PAH: variants seen among roughly 807,000 people sequenced by gnomAD.
The protein encoded by PAH is phenylalanine hydroxylase, also known as phenylalanine-4-hydroxylase.
PAH carries 64 observed loss-of-function variants against 62.0 expected under a neutral mutation model. That is an observed-to-expected ratio of 1.03 (90% CI 0.84 to 1.27). PAH has a LOEUF of 1.27. Among genes scored for constraint, PAH ranks in the 50% most tolerant of loss-of-function variants. PAH has a pLI of 0.00. For synonymous variants in PAH, 195 were observed against 196.2 expected (o/e 0.99, Z 0.05); for missense variants, 579 against 542.8 (o/e 1.07, Z -0.66).
chr12:102,928,556 C>T (rs1262220969), intron 1 of PAH, among the ~76,000 whole-genome samples: 1 of 152,124 alleles, frequency 6.6e-6, no homozygotes, highest in Non-Finnish European at 1.5e-5. Flanking sequence ...TTAGAGACCC[C>T]TGACCCTTGC....
At chr12:102,840,995 C>G (rs1343061624) in intron 11 of PAH, among the ~76,000 whole-genome samples, 1 of 152,134 alleles carries the variant, frequency 6.6e-6, no homozygotes, top group Non-Finnish European at 1.5e-5. Context: ...GTTCCAAGAA[C>G]TATGTTAAGT....
chr12:102,908,557 T>A (rs1274377157), intron 2 of PAH, among the ~76,000 whole-genome samples: 1 of 152,228 alleles, frequency 6.6e-6, no homozygotes, highest in African/African-American at 2.4e-5. Flanking sequence ...CCCCCAGGTT[T>A]AATTTTTTAA....
chr12:102,888,492 C>T (rs1398055003), intron 3 of PAH, among the ~76,000 whole-genome samples: 1 of 150,314 alleles, frequency 6.7e-6, no homozygotes, highest in Non-Finnish European at 1.5e-5. Flanking sequence ...ATGAGAGCCT[C>T]CTTATAATTT....
upstream of PAH, chr12:102,917,417 C>G (rs1286876189): frequency 4.4e-6 from 2 of 459,722 alleles, no homozygotes; most frequent in Non-Finnish European, 8.1e-6. Context: ...CACCACTTCG[C>G]TGCCCGCCCT....
At chr12:102,864,384 G>A (rs1020662848) in intron 5 of PAH, among the ~76,000 whole-genome samples, 3 of 152,074 alleles carry the variant, frequency 2.0e-5, no homozygotes, top group Admixed American at 6.6e-5. Flanking sequence ...AGCAGTGACC[G>A]CAGTATCCCC....
intron 2 of PAH, among the ~76,000 whole-genome samples, chr12:102,900,362 T>C (rs970214045): frequency 2.0e-5 from 3 of 152,180 alleles, no homozygotes; most frequent in African/African-American, 7.2e-5. Flanking sequence ...TTTATTACTT[T>C]TATAATAAAA....
At chr12:102,903,205 A>T (rs1256939473) in intron 2 of PAH, among the ~76,000 whole-genome samples, 1 of 152,150 alleles carries the variant, frequency 6.6e-6, no homozygotes, top group African/African-American at 2.4e-5. Context: ...AACTAAAAAT[A>T]CAAAAATTAG....
chr12:102,840,578 G>A, intron 11 of PAH, 63 bp from the exon 12 acceptor site: 1 of 1,105,860 alleles, frequency 9.0e-7, no homozygotes, highest in Non-Finnish European at 1.4e-6. Context: ...TCTTAAGAGA[G>A]TTCTCAGTGG....
At chr12:102,917,441 A>T, upstream of PAH, 1 of 422,892 alleles carries the variant, frequency 2.4e-6, no homozygotes, top group Non-Finnish European at 4.5e-6. Context: ...TAAAGGGAAG[A>T]AGCCAGGGAG....
intron 5 of PAH, among the ~76,000 whole-genome samples, chr12:102,862,942 T>A (rs906380547): frequency 2.3e-5 from 3 of 128,314 alleles, no homozygotes. Context: ...CCAGCAATGA[T>A]GGTGAAAAAA....
At chr12:102,918,040 G>A (rs77892502), upstream of PAH, among the ~76,000 whole-genome samples, 3 of 152,150 alleles carry the variant, frequency 2.0e-5, no homozygotes, top group Admixed American at 2.0e-4. Flanking sequence ...AACAGACTCT[G>A]CCTCCCCAGC....
In PAH at chr12:102,864,852, G is replaced by C. The variant is rs552991436; in HGVS notation, c.509+1744C>G. Among the ~76,000 whole-genome samples, 310 of 149,306 alleles carry C rather than the reference G, an allele frequency of 2.1e-3. 3 individuals carry two copies. Among genetic ancestry groups the C allele is most frequent in the African/African-American group, 7.2e-3 (294 of 40,656 alleles). On this transcript the variant is annotated intron_variant, in intron 5 of 12. Transcript: ENST00000553106. Reference sequence around the variant, plus strand: ...AACTATATCAGACCCTGAAGTAAGAGACTATTTTGAAGAAGAAAGACATGG... The same window carrying C: ...AACTATATCAGACCCTGAAGTAAGACACTATTTTGAAGAAGAAAGACATGG...
rs182040106 is a variant in PAH, at chr12:102,853,708, T to C, written c.707-758A>G. Among the ~76,000 whole-genome samples the C allele has an allele frequency of 4.7e-3, 723 of 152,366 alleles. 6 individuals carry two copies. Among genetic ancestry groups the C allele is most frequent in the Admixed American group, 0.011 (171 of 15,304 alleles). On this transcript the variant is annotated intron_variant, in intron 6 of 12. Coordinates refer to ENST00000553106, the MANE Select transcript of PAH (RefSeq NM_000277.3). Reference sequence around the variant, plus strand: ...GATCACCATCTCTATGGTTCCTGTATCTGTCTCTCAGTTTGTTGCAAACTT... The same window carrying C: ...GATCACCATCTCTATGGTTCCTGTACCTGTCTCTCAGTTTGTTGCAAACTT...
At chr12:102,846,002 G>A (rs1201580183) in intron 9 of PAH, among the ~76,000 whole-genome samples, 4 of 152,238 alleles carry the variant, frequency 2.6e-5, no homozygotes, top group East Asian at 3.9e-4. Flanking sequence ...TTTGAAAGCC[G>A]CTCCTTGTAT....
intron 5 of PAH, among the ~76,000 whole-genome samples, chr12:102,859,965 G>A (rs562535930): frequency 1.1e-4 from 16 of 152,286 alleles, no homozygotes; most frequent in African/African-American, 3.1e-4. Context: ...CATAGTGTTG[G>A]AAGTTCTGGT....
upstream of PAH, among the ~76,000 whole-genome samples, chr12:102,952,791 GA>G (rs1879806668): frequency 6.6e-6 from 1 of 152,008 alleles, no homozygotes; most frequent in South Asian, 2.1e-4. Flanking sequence ...AAAGCATATT[GA>G]AAAAGTGAAT....
At chr12:102,906,435 G>GA (rs920286366) in intron 2 of PAH, among the ~76,000 whole-genome samples, 11 of 152,142 alleles carry the variant, frequency 7.2e-5, no homozygotes, top group African/African-American at 2.6e-4. Context: ...TGTGACTATA[G>GA]AAACTAGAAA....
chr12:102,954,588 G>T (rs1381043023), upstream of PAH, among the ~76,000 whole-genome samples: 1 of 152,134 alleles, frequency 6.6e-6, no homozygotes, highest in Admixed American at 6.5e-5. Flanking sequence ...AGGTAAAGGG[G>T]CCTAGATACC....
chr12:102,875,683 C>T (rs933337619), intron 4 of PAH, among the ~76,000 whole-genome samples: 1 of 152,018 alleles, frequency 6.6e-6, no homozygotes. Context: ...CTTTACTTTT[C>T]GGGGAGAGAG....
Sources: gnomAD v4.1 joint callset for allele counts (sites outside exome capture counted in the v4.1 genomes callset) on GRCh38, gnomAD v4.1.1 for gene constraint, MANE v1.5 for transcripts, NCBI Gene and HGNC (gene_info 2026-07-23, HGNC 2026-07-21) for gene names.